The following PPP2R5C variants were observed in gnomAD, a reference collection of about 807,000 sequenced individuals.
PPP2R5C encodes the protein protein phosphatase 2 regulatory subunit B'gamma, also known as serine/threonine-protein phosphatase 2A 56 kDa regulatory subunit gamma isoform.
In PPP2R5C, 7 loss-of-function variants were observed where a neutral mutation model predicts 68.9. That is an observed-to-expected ratio of 0.10 (90% CI 0.06 to 0.19). PPP2R5C has a LOEUF of 0.19. PPP2R5C is among the 10% of genes least tolerant of loss of function. The pLI is 1.00. For synonymous variants in PPP2R5C, 210 were observed against 222.2 expected, an observed-to-expected ratio of 0.95 and a Z score of 0.49; for missense variants, 348 against 641.3, an observed-to-expected ratio of 0.54 and a Z score of 4.94.
At position 101,888,577 on chromosome 14, in the gene PPP2R5C, G is replaced by A. The variant is rs924531486; in HGVS notation, c.630-1660G>A. ...AAGAGCAGATCTCAGTTTTTCTGTT[G>A]TGTTGTTTTGTTTTGTTTTGTTTTG... On this transcript the variant is annotated intron_variant, in intron 5 of 13. Coordinates refer to ENST00000334743, the Ensembl canonical transcript of PPP2R5C. The surrounding 1 kb of genome is among the most constrained non-coding windows in gnomAD (Gnocchi z 5.6). 6.6e-5 allele frequency among the ~76,000 whole-genome samples: 10 copies of A among 151,228 alleles called. No individual in the cohort carries two copies. Among genetic ancestry groups the A allele is most frequent in the Admixed American group, 4.6e-4 (7 of 15,200 alleles).
chr14:101,795,336 A>T (rs1430453235), intron 3 of PPP2R5C, among the ~76,000 whole-genome samples: 3 of 152,194 alleles, frequency 2.0e-5, no homozygotes, highest in Admixed American at 2.0e-4. Flanking sequence ...CAATGCTGAG[A>T]TCATGTAAAA....
At chr14:101,778,756 A>C (rs2037541316) in intron 2 of PPP2R5C, among the ~76,000 whole-genome samples, 2 of 152,134 alleles carry the variant, frequency 1.3e-5, no homozygotes. Flanking sequence ...AGCCAGATGC[A>C]CTTTTAAAAG....
chr14:101,855,419 T>C (rs1040572745), intron 1 of PPP2R5C, among the ~76,000 whole-genome samples: 3 of 152,178 alleles, frequency 2.0e-5, no homozygotes, highest in African/African-American at 7.2e-5. Flanking sequence ...GGACATTTGC[T>C]TTGATATTAC....
chr14:101,874,394 T>C (rs1268804979), intron 2 of PPP2R5C, among the ~76,000 whole-genome samples: 1 of 152,240 alleles, frequency 6.6e-6, no homozygotes, highest in Non-Finnish European at 1.5e-5. Context: ...TTCAACTTTA[T>C]TGCATTGAAA....
At chr14:101,846,590 A>G (rs921914771) in intron 1 of PPP2R5C, among the ~76,000 whole-genome samples, 1 of 152,256 alleles carries the variant, frequency 6.6e-6, no homozygotes, top group Non-Finnish European at 1.5e-5. Context: ...GTAGATATAT[A>G]GAAGTATTTC....
chr14:101,881,942 G>A (rs186443960), intron 2 of PPP2R5C, among the ~76,000 whole-genome samples: 41 of 152,260 alleles, frequency 2.7e-4, no homozygotes, highest in African/African-American at 9.6e-4. Flanking sequence ...TAACTTTGGT[G>A]GTCAACTTGC....
At chr14:101,878,859 G>C (rs2140866692) in intron 2 of PPP2R5C, among the ~76,000 whole-genome samples, 1 of 152,390 alleles carries the variant, frequency 6.6e-6, no homozygotes, top group East Asian at 1.9e-4. Context: ...TGTTTGGACA[G>C]CTGGGCACTG....
At chr14:101,830,720 T>A (rs965628849) in intron 1 of PPP2R5C, among the ~76,000 whole-genome samples, 2 of 152,176 alleles carry the variant, frequency 1.3e-5, no homozygotes, top group Admixed American at 1.3e-4. Flanking sequence ...TTGGGTCAAA[T>A]ATAAGATACT....
intron 1 of PPP2R5C, chr14:101,843,546 G>C (rs1185528108): frequency 5.6e-6 from 1 of 177,982 alleles, no homozygotes; most frequent in Admixed American, 6.2e-5. Context: ...GTCTTCTGCA[G>C]AACTAGGTTC....
At chr14:101,809,552 CTTTTTTT>C (rs5811049), upstream of PPP2R5C, among the ~76,000 whole-genome samples, 22 of 92,898 alleles carry the variant, frequency 2.4e-4, no homozygotes, top group East Asian at 1.8e-3. Flanking sequence ...TATACACACA[CTTTTTTT>C]TTTTTTTTTT....
chr14:101,876,970 ATGGAGTCTCACTCTATTGCCCAGGC>A (rs2043824616), intron 2 of PPP2R5C, among the ~76,000 whole-genome samples: 1 of 91,004 alleles, frequency 1.1e-5, no homozygotes, highest in Non-Finnish European at 2.0e-5. Flanking sequence ...TTTTTTTGAG[ATGGAGTCTCACTCTATTGCCCAGGC>A]TGGAGTGCAG....
intron 2 of PPP2R5C, among the ~76,000 whole-genome samples, chr14:101,874,928 C>G (rs1219639878): frequency 6.6e-6 from 1 of 152,128 alleles, no homozygotes; most frequent in South Asian, 2.1e-4. Context: ...TTAGTAGAGA[C>G]AGGGTTTTGC....
intron 10 of PPP2R5C, 44 bp from the exon 13 acceptor site, chr14:101,909,545 C>G: frequency 7.2e-7 from 1 of 1,379,564 alleles, no homozygotes; most frequent in Non-Finnish European, 1.0e-6. Context: ...GAGGGCTCAG[C>G]AGGAATGCGT....
chr14:101,816,731 G>A (rs2039694001), intron 1 of PPP2R5C, among the ~76,000 whole-genome samples: 1 of 151,190 alleles, frequency 6.6e-6, no homozygotes, highest in Non-Finnish European at 1.5e-5. Flanking sequence ...GAGAAAAGTG[G>A]GTAAAAAGCA....
At position 101,887,495 on chromosome 14, in the gene PPP2R5C, G is replaced by A. The variant is rs537455733; in HGVS notation, c.630-2742G>A. Among the ~76,000 whole-genome samples the A allele has an allele frequency of 7.2e-5, 11 of 152,318 alleles. No individual in the cohort carries two copies. In the East Asian group the frequency reaches 1.7e-3, roughly 24 times the overall value. On this transcript the variant is annotated intron_variant, in intron 5 of 13. Transcript: ENST00000334743. The stretch of plus-strand genomic sequence containing the variant: ...CACTCCTCACGATGCTGTCGTCTGC[G>A]CTAGGCTCATCCAGACGGTTCTGCT...
At chr14:101,830,144 C>T (rs776360242) in intron 1 of PPP2R5C, among the ~76,000 whole-genome samples, 1 of 152,040 alleles carries the variant, frequency 6.6e-6, no homozygotes, top group Non-Finnish European at 1.5e-5. Context: ...CCTAGAAATG[C>T]CAAATTGTTC....
intron 1 of PPP2R5C, among the ~76,000 whole-genome samples, chr14:101,816,551 A>G (rs1419946239): frequency 3.9e-5 from 6 of 152,182 alleles, no homozygotes. Context: ...TTTTGAAGGC[A>G]GCTGGAGAAA....
At chr14:101,911,934 C>T (rs978088139) in intron 11 of PPP2R5C, among the ~76,000 whole-genome samples, 1 of 151,776 alleles carries the variant, frequency 6.6e-6, no homozygotes, top group Non-Finnish European at 1.5e-5. Context: ...AGTCATGTGA[C>T]TCGCAGTGGA....
chr14:101,799,004 A>G (rs781331852), intron 3 of PPP2R5C, among the ~76,000 whole-genome samples: 8 of 152,242 alleles, frequency 5.3e-5, no homozygotes, highest in Non-Finnish European at 1.2e-4. Flanking sequence ...TGTAAAGGGT[A>G]GCAAGGTGGT....
Sources: allele counts gnomAD v4.1 joint callset (sites outside exome capture counted in the v4.1 genomes callset), GRCh38; gene constraint gnomAD v4.1.1; non-coding constraint Gnocchi (gnomAD v3.1); transcripts MANE v1.5; gene names NCBI Gene and HGNC (gene_info 2026-07-23, HGNC 2026-07-21).